The following KLHL1 variants were observed in gnomAD, a reference collection of about 807,000 sequenced individuals.
KLHL1 encodes kelch-like protein 1.
KLHL1 carries 47 observed loss-of-function variants against 77.7 expected under a neutral mutation model. That is an observed-to-expected ratio of 0.60 (90% CI 0.48 to 0.77). The LOEUF (loss-of-function observed/expected upper bound fraction) is 0.77, where lower values mean the gene tolerates loss of function less well. Ranked by LOEUF, KLHL1 falls within the 30% of genes least tolerant of loss-of-function variation. The pLI is 0.00. For missense variants in KLHL1, 925 were observed against 910.8 expected, an observed-to-expected ratio of 1.02 and a Z score of -0.20; for synonymous variants, 360 against 325.2, an observed-to-expected ratio of 1.11 and a Z score of -1.15.
In KLHL1 at chr13:69,940,085, A is replaced by C. The variant is rs1883319731; in HGVS notation, c.969T>G (p.Ala323=). 1 of 1,612,572 alleles carries C rather than the reference A, an allele frequency of 6.2e-7. No homozygotes were observed. Among genetic ancestry groups the C allele is most frequent in the African/African-American group, 1.3e-5 (1 of 74,934 alleles). ...CCTTCATTAACTCAATGCATCCTTG[A>C]GCATCTGCGAAGGCTCGAATTCCTA... ...NCLGIRAFAD[A]QGCIELMKVA... The change falls in exon 4 of 11, where the codon GCT becomes GCG. Residue 323 remains alanine, a synonymous_variant. Coordinates refer to ENST00000377844, the MANE Select transcript of KLHL1 (RefSeq NM_020866.3).
At chr13:69,854,979 TAATGA>T (rs1479317735) in intron 5 of KLHL1, among the ~76,000 whole-genome samples, 6 of 152,064 alleles carry the variant, frequency 3.9e-5, no homozygotes, top group Non-Finnish European at 7.4e-5. Flanking sequence ...TATGAATATT[TAATGA>T]AAACACTTAT....
intron 5 of KLHL1, among the ~76,000 whole-genome samples, chr13:69,870,022 G>T (rs1444322165): frequency 3.9e-5 from 6 of 152,108 alleles, no homozygotes; most frequent in Non-Finnish European, 7.4e-5. Context: ...AAATTGATAG[G>T]TTTTAGACAT....
intron 4 of KLHL1, among the ~76,000 whole-genome samples, chr13:69,927,619 A>G (rs990554368): frequency 6.6e-6 from 1 of 152,222 alleles, no homozygotes; most frequent in African/African-American, 2.4e-5. Context: ...TTCTCCAAAG[A>G]GGATATATAA....
chr13:70,028,264 T>C (rs1886006678), intron 1 of KLHL1, among the ~76,000 whole-genome samples: 1 of 152,166 alleles, frequency 6.6e-6, no homozygotes, highest in Non-Finnish European at 1.5e-5. Flanking sequence ...CAAATACTTT[T>C]ATTTGGACAA....
intron 2 of KLHL1, among the ~76,000 whole-genome samples, chr13:69,973,905 T>A (rs1030880209): frequency 1.3e-5 from 2 of 151,988 alleles, no homozygotes; most frequent in East Asian, 3.9e-4. Flanking sequence ...CTCAGAGTAA[T>A]TTAACCAATC....
In KLHL1 at chr13:70,107,381, C is replaced by G. The variant is rs765081288; in HGVS notation, c.319G>C (p.Ala107Pro). ...GGCTGCTGAGTGCCCTGCCCAGGAGCCCCTTGCTGCAGCCTCGTGGCAACT... is the reference window on the plus strand; with the variant it reads ...GGCTGCTGAGTGCCCTGCCCAGGAGGCCCTTGCTGCAGCCTCGTGGCAACT... ...LPVATRLQQGAPGQGTQQPAR... is the reference protein window; with the variant it reads ...LPVATRLQQGPPGQGTQQPAR... The change falls in exon 1 of 11, where the codon GCT (alanine) becomes CCT (proline). Residue 107 changes from alanine to proline, a missense_variant. Transcript: ENST00000377844. 3.7e-6 allele frequency: 6 copies of G among 1,613,946 alleles called. No individual in the cohort carries two copies. The highest frequency in any genetic ancestry group is 5.1e-6 in the Non-Finnish European group (6 of 1,180,034).
chr13:70,065,692 A>G (rs577935496), intron 1 of KLHL1, among the ~76,000 whole-genome samples: 12 of 152,282 alleles, frequency 7.9e-5, no homozygotes, highest in African/African-American at 2.6e-4. Context: ...GAGACAACAA[A>G]CTGTAAAGAG....
chr13:70,082,405 T>G (rs73518733), intron 1 of KLHL1, among the ~76,000 whole-genome samples: 6 of 150,042 alleles, frequency 4.0e-5, no homozygotes, highest in African/African-American at 1.5e-4. Context: ...TAGGTGGATA[T>G]AGACTTGGGA....
At chr13:69,758,076 T>C (rs976118015) in intron 7 of KLHL1, among the ~76,000 whole-genome samples, 1 of 151,900 alleles carries the variant, frequency 6.6e-6, no homozygotes, top group Non-Finnish European at 1.5e-5. Flanking sequence ...GATGGAGATA[T>C]TTAGTTTTTC....
At chr13:69,802,417 T>C (rs1877424580) in intron 6 of KLHL1, among the ~76,000 whole-genome samples, 1 of 152,060 alleles carries the variant, frequency 6.6e-6, no homozygotes, top group African/African-American at 2.4e-5. Context: ...TCTCAAAGTA[T>C]GGGGGATAAG....
rs1223164602 is a variant in KLHL1, at chr13:69,707,667, G to T, written c.2145C>A (p.Asn715Lys). Reference protein sequence around the residue: ...VGGYDGQTYLNTMESYDPQTN... With the variant: ...VGGYDGQTYLKTMESYDPQTN... ...TTTGTGGGTCATAGGATTCCATAGT[G>T]TTGAGGTATGTCTGTCCATCATAGC... is the stretch of plus-strand genomic sequence containing the variant. Residue 715 changes from asparagine to lysine, a missense_variant, in exon 10 of 11, where the codon AAC becomes AAA. Physicochemically the swap from Asn to Lys is moderately conservative, Grantham distance 94. Coordinates refer to ENST00000377844, the MANE Select transcript of KLHL1 (RefSeq NM_020866.3). 2.5e-6 allele frequency: 4 copies of T among 1,612,436 alleles called. No homozygotes were observed. The highest frequency in any genetic ancestry group is 3.4e-6 in the Non-Finnish European group (4 of 1,179,046).
At chr13:70,024,824 T>A (rs1566509184) in intron 1 of KLHL1, among the ~76,000 whole-genome samples, 1 of 151,870 alleles carries the variant, frequency 6.6e-6, no homozygotes, top group Non-Finnish European at 1.5e-5. Flanking sequence ...GCAATTTGAT[T>A]CCCTTAAAGA....
intron 7 of KLHL1, among the ~76,000 whole-genome samples, chr13:69,795,105 C>T (rs1877045213): frequency 1.3e-5 from 2 of 152,092 alleles, no homozygotes; most frequent in Admixed American, 6.6e-5. Flanking sequence ...AAGCACTCTG[C>T]CTCATCGGAG....
intron 5 of KLHL1, among the ~76,000 whole-genome samples, chr13:69,876,214 C>A (rs1410306752): frequency 6.6e-6 from 1 of 152,042 alleles, no homozygotes; most frequent in African/African-American, 2.4e-5. Context: ...TGTATATTTT[C>A]CACTGTGATT....
chr13:70,098,857 T>C (rs1887854286), intron 1 of KLHL1, among the ~76,000 whole-genome samples: 1 of 151,882 alleles, frequency 6.6e-6, no homozygotes, highest in African/African-American at 2.4e-5. Context: ...AGGCACCATG[T>C]AGCTTCAATG....
At chr13:69,708,110 T>G (rs1284564948) in intron 9 of KLHL1, among the ~76,000 whole-genome samples, 1 of 151,954 alleles carries the variant, frequency 6.6e-6, no homozygotes, top group African/African-American at 2.4e-5. Context: ...AATTAGGGTA[T>G]TTAAAACACA....
chr13:70,033,027 T>A, intron 1 of KLHL1, among the ~76,000 whole-genome samples: 1 of 152,194 alleles, frequency 6.6e-6, no homozygotes, highest in East Asian at 1.9e-4. Flanking sequence ...AGTCTGTAAA[T>A]ACATTTTTTC....
chr13:69,789,195 C>T (rs9564614), intron 7 of KLHL1, among the ~76,000 whole-genome samples: 53,554 of 151,750 alleles, frequency 0.35, 9,746 homozygotes, highest in African/African-American at 0.43. Context: ...TCTTTAGGAT[C>T]GATCTATGCT....
intron 4 of KLHL1, among the ~76,000 whole-genome samples, chr13:69,917,213 G>A (rs777591283): frequency 2.0e-4 from 30 of 151,864 alleles, no homozygotes; most frequent in African/African-American, 5.5e-4. Context: ...CTTCTATGCC[G>A]TTTTCACAAT....
Sources: gnomAD v4.1 joint callset for allele counts (sites outside exome capture counted in the v4.1 genomes callset) on GRCh38, gnomAD v4.1.1 for gene constraint, MANE v1.5 for transcripts, NCBI Gene and HGNC (gene_info 2026-07-23, HGNC 2026-07-21) for gene names.